RASA3: variants seen among roughly 807,000 people sequenced by gnomAD.
RASA3 encodes the protein RAS p21 protein activator 3.
A neutral mutation model predicts 110.0 loss-of-function variants in RASA3; 73 were observed. That is an observed-to-expected ratio of 0.66 (90% CI 0.55 to 0.81). RASA3 has a LOEUF of 0.81. RASA3 is among the 30% of genes least tolerant of loss of function. The pLI, the probability that RASA3 is intolerant of heterozygous loss-of-function variation, is 0.00. For synonymous variants in RASA3, 500 were observed against 451.4 expected, an observed-to-expected ratio of 1.11 and a Z score of -1.37; for missense variants, 976 against 1,113.2, an observed-to-expected ratio of 0.88 and a Z score of 1.75.
intron 1 of RASA3, among the ~76,000 whole-genome samples, chr13:114,097,479 C>G (rs1421020592): frequency 1.3e-5 from 2 of 152,228 alleles, no homozygotes; most frequent in Non-Finnish European, 2.9e-5. Context: ...AGCGAAGAGG[C>G]AGGCAGCAAA....
intron 18 of RASA3, among the ~76,000 whole-genome samples, chr13:114,003,039 C>G (rs1162035506): frequency 6.6e-6 from 1 of 152,224 alleles, no homozygotes; most frequent in Non-Finnish European, 1.5e-5. Flanking sequence ...TCATCACCAC[C>G]CCCACACATG....
chr13:114,009,983 T>C (rs2053597365), intron 16 of RASA3, among the ~76,000 whole-genome samples: 1 of 152,218 alleles, frequency 6.6e-6, no homozygotes, highest in African/African-American at 2.4e-5. Flanking sequence ...CCCAAGTTCC[T>C]GTTGTTTCCA....
chr13:114,089,944 C>A (rs1352829929), intron 1 of RASA3, among the ~76,000 whole-genome samples: 6 of 152,128 alleles, frequency 3.9e-5, no homozygotes, highest in African/African-American at 1.4e-4. Flanking sequence ...AACGTCCTGT[C>A]TTCAAGGTTC....
At chr13:113,984,747 TC>T (rs2139058453) in intron 22 of RASA3, among the ~76,000 whole-genome samples, 2 of 74,232 alleles carry the variant, frequency 2.7e-5, no homozygotes, top group African/African-American at 8.6e-5. Flanking sequence ...CATCTGTCCA[TC>T]CACCCATTAC....
At chr13:114,126,880 G>A (rs940216954) in intron 1 of RASA3, among the ~76,000 whole-genome samples, 4 of 152,148 alleles carry the variant, frequency 2.6e-5, no homozygotes, top group South Asian at 2.1e-4. Context: ...CAAGAAACGT[G>A]GCCAGCACGC....
chr13:113,980,179 C>T (rs966148618), intron 23 of RASA3, among the ~76,000 whole-genome samples: 2 of 150,122 alleles, frequency 1.3e-5, no homozygotes, highest in Admixed American at 1.3e-4. Context: ...GTGTGTGCAC[C>T]TCCTCCCACG....
rs185046942 is a variant in RASA3 at position 113,995,787 on chromosome 13, C to T, written c.2141+744G>A. ...CCCGGCTGACGGGGGGCCCGGCTGA[C>T]GGGGGGTCCGGCTGATGGGGGTCCG... On this transcript the variant is annotated intron_variant, in intron 21 of 23. Coordinates refer to ENST00000334062, the MANE Select transcript of RASA3 (RefSeq NM_007368.4). 2.3e-3 allele frequency among the ~76,000 whole-genome samples: 24 copies of T among 10,620 alleles called. 3 individuals carry two copies. The highest frequency in any genetic ancestry group is 0.01 in the African/African-American group (8 of 782). 7.0% of individuals were successfully genotyped at this position (10,620 alleles called of 152,430 possible).
intron 2 of RASA3, among the ~76,000 whole-genome samples, chr13:114,052,438 T>C (rs1351390862): frequency 2.0e-5 from 3 of 152,174 alleles, no homozygotes; most frequent in African/African-American, 7.2e-5. Flanking sequence ...ACTGCCAGAA[T>C]GACTTCCATG....
chr13:114,016,425 G>A (rs1292682369), intron 12 of RASA3, among the ~76,000 whole-genome samples, 154 bp from the exon 13 acceptor site: 1 of 152,118 alleles, frequency 6.6e-6, no homozygotes, highest in Non-Finnish European at 1.5e-5. Context: ...TGGCACGGAG[G>A]GGCACGGTGA....
intron 1 of RASA3, among the ~76,000 whole-genome samples, chr13:114,078,348 C>T (rs1344551750): frequency 2.0e-5 from 3 of 152,214 alleles, no homozygotes; most frequent in Admixed American, 6.5e-5. Context: ...TGCACAGAGA[C>T]GTTCATATAA....
intron 2 of RASA3, among the ~76,000 whole-genome samples, chr13:114,067,629 T>C (rs1187572798): frequency 6.6e-6 from 1 of 152,234 alleles, no homozygotes; most frequent in Non-Finnish European, 1.5e-5. Flanking sequence ...TCATTTCTAC[T>C]ACACAAAAGT....
chr13:114,050,127 C>G (rs1474215905), intron 3 of RASA3, among the ~76,000 whole-genome samples: 4 of 152,230 alleles, frequency 2.6e-5, no homozygotes, highest in African/African-American at 9.6e-5. Context: ...CCTTCCGCAG[C>G]ACCCAGCTTG....
At chr13:114,023,941 C>T (rs1340711027) in intron 8 of RASA3, among the ~76,000 whole-genome samples, 1 of 152,184 alleles carries the variant, frequency 6.6e-6, no homozygotes, top group East Asian at 1.9e-4. Context: ...CCAGGCCCTG[C>T]GACCTCTGAG....
chr13:114,082,454 C>A (rs2079799149), intron 1 of RASA3, among the ~76,000 whole-genome samples: 1 of 152,254 alleles, frequency 6.6e-6, no homozygotes. Context: ...GAGATGCTTT[C>A]TTCCTGATCA....
At chr13:114,061,542 C>T (rs7989136) in intron 2 of RASA3, among the ~76,000 whole-genome samples, 93,061 of 150,646 alleles carry the variant, frequency 0.62, 30,406 homozygotes, top group African/African-American at 0.84. Flanking sequence ...CTGGGCATGG[C>T]GGCAGGCGCC....
intron 1 of RASA3, among the ~76,000 whole-genome samples, chr13:114,130,977 G>A (rs1421844102): frequency 1.3e-5 from 2 of 152,242 alleles, no homozygotes; most frequent in Admixed American, 6.5e-5. Context: ...GCGACCTCAG[G>A]CACTTCAGGG....
rs74487431 is a variant in RASA3, at chr13:113,982,616, C to T, written c.2246-758G>A. On this transcript the variant is annotated intron_variant, in intron 22 of 23. Coordinates refer to ENST00000334062, the MANE Select transcript of RASA3 (RefSeq NM_007368.4). Reference sequence around the variant, plus strand: ...CCTCACTGCTCACAGCGCCTGGGCACGCACTCCCGGAGCCAGCACCGATGC... The same window carrying T: ...CCTCACTGCTCACAGCGCCTGGGCATGCACTCCCGGAGCCAGCACCGATGC... Among the ~76,000 whole-genome samples, 87 of 152,360 alleles carry T rather than the reference C, an allele frequency of 5.7e-4. No individual in the cohort carries two copies. The East Asian group carries it at 0.015, about 26-fold the overall frequency.
chr13:114,041,125 G>C (rs372764736), intron 3 of RASA3, 31 bp from the exon 4 acceptor site: 1 of 1,590,460 alleles, frequency 6.3e-7, no homozygotes, highest in South Asian at 1.1e-5. Context: ...ACTTCACCAC[G>C]GGCACAGGCC....
chr13:114,061,495 G>A (rs183758761), intron 2 of RASA3, among the ~76,000 whole-genome samples: 85 of 148,786 alleles, frequency 5.7e-4, no homozygotes, highest in African/African-American at 8.6e-4. Context: ...ATGGTGAAAC[G>A]CCGTCTCTAC....
Sources: gnomAD v4.1 joint callset for allele counts (sites outside exome capture counted in the v4.1 genomes callset) on GRCh38, gnomAD v4.1.1 for gene constraint, MANE v1.5 for transcripts, NCBI Gene and HGNC (gene_info 2026-07-23, HGNC 2026-07-21) for gene names.